Variants in JOSD1 observed in about 807,000 individuals in gnomAD.
The protein encoded by JOSD1 is josephin-1.
In JOSD1, 11 loss-of-function variants were observed where a neutral mutation model predicts 24.3. The observed-to-expected ratio is 0.45, with a 90% confidence interval of 0.29 to 0.75. The LOEUF is 0.75. JOSD1 is among the 30% of genes least tolerant of loss of function. The pLI is 0.11. For missense variants in JOSD1, 184 were observed against 253.5 expected (o/e 0.73, Z 1.86); for synonymous variants, 106 against 93.8 (o/e 1.13, Z -0.75).
At chr22:38,688,635 T>C (rs909934335) in intron 4 of JOSD1, among the ~76,000 whole-genome samples, 1 of 152,200 alleles carries the variant, frequency 6.6e-6, no homozygotes, top group Admixed American at 6.5e-5. Flanking sequence ...TTCCTTTCTA[T>C]GAACTGGCAA....
intron 2 of JOSD1, among the ~76,000 whole-genome samples, chr22:38,689,947 T>TGTGTGTGTGTGTGTGTGTG (rs60712690): frequency 8.2e-5 from 12 of 145,688 alleles, no homozygotes; most frequent in East Asian, 4.0e-4. Flanking sequence ...TGTGTGTGTG[T>TGTGTGTGTGTGTGTGTGTG]AGTACTTGAA....
Position 38,700,924 on chromosome 22 carries a change from A to C in JOSD1, c.-756T>G. ...CTCACCGCAGCCGGCCGCCACCTGG[A>C]GTGCGCGCCGCCAACTGGGCCGTGC... On this transcript the variant is annotated 5_prime_UTR_variant, in exon 1 of 5. Transcript: ENST00000683374. 1 of 984,296 alleles carries C rather than the reference A, an allele frequency of 1.0e-6. No homozygotes were observed. The allele number at this position is 984,296 out of a possible 1,614,324, so 61.0% of individuals were successfully genotyped here. A position where few individuals can be genotyped will look rare whatever the true frequency, so the allele number is the denominator to read the frequency against.
Position 38,700,455 on chromosome 22 carries a change from G to A in JOSD1, c.-468C>T, listed in dbSNP as rs971152151. ...CTCGGGAGACAAGGCCTGGGTGACGGATAAATTTAGCGCACGAGTCGAGTA... is the reference window on the plus strand; with the variant it reads ...CTCGGGAGACAAGGCCTGGGTGACGAATAAATTTAGCGCACGAGTCGAGTA... On this transcript the variant is annotated 5_prime_UTR_variant, in exon 2 of 5. Coordinates refer to ENST00000683374, the MANE Select transcript of JOSD1 (RefSeq NM_001360236.2). 1 of 986,430 alleles carries A rather than the reference G, an allele frequency of 1.0e-6. No individual in the cohort carries two copies. The highest frequency in any genetic ancestry group is 1.7e-5 in the African/African-American group (1 of 57,240). The allele number at this position is 986,430 out of a possible 1,614,324, so 61.1% of individuals were successfully genotyped here. A position where few individuals can be genotyped will look rare whatever the true frequency, so the allele number is the denominator to read the frequency against.
At chr22:38,688,172 A>G (rs1280784537) in intron 4 of JOSD1, among the ~76,000 whole-genome samples, 171 bp from the exon 5 acceptor site, 1 of 152,210 alleles carries the variant, frequency 6.6e-6, no homozygotes, top group Non-Finnish European at 1.5e-5. Flanking sequence ...CTGTCCAGTT[A>G]AAATTCCAAC....
chr22:38,695,883 C>T (rs1162597115), intron 2 of JOSD1, among the ~76,000 whole-genome samples: 1 of 152,196 alleles, frequency 6.6e-6, no homozygotes, highest in Non-Finnish European at 1.5e-5. Flanking sequence ...TGGTGAAACC[C>T]CGTCTCTACC....
At chr22:38,698,701 A>G (rs1326961689) in intron 2 of JOSD1, among the ~76,000 whole-genome samples, 1 of 152,212 alleles carries the variant, frequency 6.6e-6, no homozygotes, top group African/African-American at 2.4e-5. Flanking sequence ...ACACCACAGA[A>G]CTGACTCTCA....
At chr22:38,690,359 A>G (rs1285717505) in intron 2 of JOSD1, among the ~76,000 whole-genome samples, 1 of 152,016 alleles carries the variant, frequency 6.6e-6, no homozygotes, top group East Asian at 1.9e-4. Flanking sequence ...GAAATCTTGT[A>G]TTTTTAAAAT....
At chr22:38,696,181 C>T (rs1040384335) in intron 2 of JOSD1, among the ~76,000 whole-genome samples, 9 of 152,020 alleles carry the variant, frequency 5.9e-5, no homozygotes, top group Middle Eastern at 3.2e-3. Context: ...AACCACCTAG[C>T]AAAGCTGCCA....
chr22:38,690,170 G>A (rs1397341996), intron 2 of JOSD1, among the ~76,000 whole-genome samples: 1 of 152,064 alleles, frequency 6.6e-6, no homozygotes, highest in East Asian at 1.9e-4. Flanking sequence ...AGGAGCTGGG[G>A]AAAGGCCATT....
rs755542546 is a variant in JOSD1, at chr22:38,700,055, G to A, written c.-68C>T. ...TCTTCCCTCTAGAGGAAGAATGTAA[G>A]CTTCTCAGTCTTTTCCGGATTCCTG... On this transcript the variant is annotated 5_prime_UTR_variant, in exon 2 of 5. Coordinates refer to ENST00000683374, the MANE Select transcript of JOSD1 (RefSeq NM_001360236.2). The A allele has an allele frequency of 1.3e-6, 2 of 1,512,588 alleles. No individual in the cohort carries two copies. Among genetic ancestry groups the A allele is most frequent in the African/African-American group, 1.4e-5 (1 of 71,214 alleles). The allele number at this position is 1,512,588 out of a possible 1,614,324, so 93.7% of individuals were successfully genotyped here. A position where few individuals can be genotyped will look rare whatever the true frequency, so the allele number is the denominator to read the frequency against.
chr22:38,700,679 C>T (rs1183074655), intron 1 of JOSD1, 61 bp from the exon 2 acceptor site: 2 of 977,506 alleles, frequency 2.0e-6, no homozygotes, highest in Non-Finnish European at 2.4e-6. Flanking sequence ...AGCGGCGGGG[C>T]CGGCCCCTGC....
In JOSD1 at chr22:38,689,066, T is replaced by C. The variant is rs761228332; in HGVS notation, c.378A>G (p.Leu126=). The C allele has an allele frequency of 8.7e-6, 14 of 1,614,144 alleles. No homozygotes were observed. The Admixed American group carries it at 1.7e-4, about 19-fold the overall frequency. The change falls in exon 4 of 5, where the codon CTA becomes CTG. Residue 126 remains leucine (L), a synonymous_variant. Transcript: ENST00000683374. The part of the protein sequence containing the change: ...MGFIMNLPSS[L]CWGPLKLPLK... Reference sequence around the variant, plus strand: ...GGGGCAGTTTCAGTGGACCCCAGCATAGGCTGGAGGGCAGATTCATGATGA... The same window carrying C: ...GGGGCAGTTTCAGTGGACCCCAGCACAGGCTGGAGGGCAGATTCATGATGA...
At position 38,685,914 on chromosome 22, in the gene JOSD1, T is replaced by C. The variant is rs1324082544; in HGVS notation, c.*1988A>G. On this transcript the variant is annotated 3_prime_UTR_variant, in exon 5 of 5. Coordinates refer to ENST00000683374, the MANE Select transcript of JOSD1 (RefSeq NM_001360236.2). ...ATCCCATTGGCTCATGGACTCCAAG[T>C]GCATGGGGACTCTTTCAAGTGCCAT... The C allele has an allele frequency of 1.3e-5, 2 of 152,664 alleles. No homozygotes were observed. Among genetic ancestry groups the C allele is most frequent in the South Asian group, 2.1e-4 (1 of 4,836 alleles). The allele number at this position is 152,664 out of a possible 1,614,324, so 9.5% of individuals were successfully genotyped here.
chr22:38,695,215 G>C (rs929041903), intron 2 of JOSD1, among the ~76,000 whole-genome samples: 1 of 152,132 alleles, frequency 6.6e-6, no homozygotes, highest in African/African-American at 2.4e-5. Context: ...TTGGACAAGA[G>C]AATTCAAGTC....
intron 2 of JOSD1, among the ~76,000 whole-genome samples, chr22:38,694,863 C>CAA (rs55844316): frequency 5.7e-4 from 46 of 80,546 alleles, no homozygotes; most frequent in Non-Finnish European, 8.2e-4. Context: ...GACTCAGTCT[C>CAA]AAAAAAAAAA....
rs929194610 is a variant in JOSD1 at position 38,700,499 on chromosome 22, G to A, written c.-512C>T. The A allele has an allele frequency of 4.1e-6, 4 of 986,082 alleles. No individual in the cohort carries two copies. In the African/African-American group the frequency reaches 5.2e-5, roughly 13 times the overall value. 61.1% of individuals were successfully genotyped at this position (986,082 alleles called of 1,614,324 possible). ...TCGAGTAGCTAGCGCGGGCCGGCAG[G>A]CGTGGGACCGCGAGCCGCGCGGGGG... On this transcript the variant is annotated 5_prime_UTR_variant, in exon 2 of 5. Coordinates refer to ENST00000683374, the MANE Select transcript of JOSD1 (RefSeq NM_001360236.2).
chr22:38,697,954 G>C (rs2092552457), intron 2 of JOSD1, among the ~76,000 whole-genome samples: 1 of 152,222 alleles, frequency 6.6e-6, no homozygotes, highest in Non-Finnish European at 1.5e-5. Context: ...TTATTTACTA[G>C]TAGGTGAAAC....
rs1243682217 is a variant in JOSD1, at chr22:38,699,806, T to C, written c.182A>G (p.Gln61Arg). ...GCCAAGGAGAAGGGTCCCCTACCTC[T>C]GGAAAATCTCTTGCAGCGTATCCCG... is the stretch of plus-strand genomic sequence containing the variant. ...FTRDTLQEIF[Q>R]RLSPNTMVTP... Residue 61 changes from glutamine to arginine, a missense_variant, in exon 2 of 5, where the codon CAG (glutamine) becomes CGG (arginine). Coordinates refer to ENST00000683374, the MANE Select transcript of JOSD1 (RefSeq NM_001360236.2). The C allele has an allele frequency of 6.2e-7, 1 of 1,614,144 alleles. No individual in the cohort carries two copies. Among genetic ancestry groups the C allele is most frequent in the African/African-American group, 1.3e-5 (1 of 75,066 alleles).
chr22:38,686,241 G>A lies in JOSD1; in HGVS notation c.*1661C>T, dbSNP rs1445943677. The A allele has an allele frequency of 6.6e-6, 1 of 152,552 alleles. No homozygotes were observed. The highest frequency in any genetic ancestry group is 2.4e-5 in the African/African-American group (1 of 41,432). 9.4% of individuals were successfully genotyped at this position (152,552 alleles called of 1,614,324 possible). ...CAGCATTAAAAAAACGGCCTTGTTG[G>A]ATTGAAGATACATGTGCAGAAAAAG... On this transcript the variant is annotated 3_prime_UTR_variant, in exon 5 of 5. Transcript: ENST00000683374.
Sources: gnomAD v4.1 joint callset for allele counts (sites outside exome capture counted in the v4.1 genomes callset) on GRCh38, gnomAD v4.1.1 for gene constraint, MANE v1.5 for transcripts, NCBI Gene and HGNC (gene_info 2026-07-23, HGNC 2026-07-21) for gene names.